The following TLN2 variants were observed in gnomAD, a reference collection of about 807,000 sequenced individuals.
TLN2 encodes the protein talin 2, also known as talin-2.
Under a neutral mutation model 294.7 loss-of-function variants are expected in TLN2, and 118 were observed. That is an observed-to-expected ratio of 0.40 (90% CI 0.34 to 0.47). The LOEUF (loss-of-function observed/expected upper bound fraction) is 0.47. Ranked by LOEUF, TLN2 falls within the 20% of genes least tolerant of loss-of-function variation. TLN2 has a pLI of 0.84. For missense variants in TLN2, 3,083 were observed against 3,282.2 expected (o/e 0.94, Z 1.48); for synonymous variants, 1,431 against 1,304.5 (o/e 1.10, Z -2.09).
At chr15:62,649,859 T>C in intron 4 of TLN2, 1 of 489,262 alleles carries the variant, frequency 2.0e-6, no homozygotes, top group Non-Finnish European at 3.7e-6. Context: ...CCACTGGTTT[T>C]AGGAAACACG....
In TLN2 at chr15:62,819,539, A is replaced by T. The variant is rs1192175386; in HGVS notation, c.6795A>T (p.Glu2265Asp). Residue 2265 changes from glutamate to aspartate, a missense_variant, in exon 53 of 59, where the codon GAA becomes GAT. Glu to Asp is a conservative substitution (Grantham distance 45, BLOSUM62 2). Transcript: ENST00000636159. Reference sequence around the variant, plus strand: ...AGATTCTTCAGAAACCAACCCCAGAATTCAAGCAGCAGCTGGCCGCTTTCT... The same window carrying T: ...AGATTCTTCAGAAACCAACCCCAGATTTCAAGCAGCAGCTGGCCGCTTTCT... ...VLVILQKPTP[E>D]FKQQLAAFSK... 1.2e-6 allele frequency: 2 copies of T among 1,613,992 alleles called. No homozygotes were observed. Among genetic ancestry groups the T allele is most frequent in the Non-Finnish European group, 1.7e-6 (2 of 1,180,008 alleles).
At position 62,761,712 on chromosome 15, in the gene TLN2, G is replaced by T; in HGVS notation, c.4670G>T (p.Arg1557Leu). 1.9e-6 allele frequency: 3 copies of T among 1,614,060 alleles called. No individual in the cohort carries two copies. The highest frequency in any genetic ancestry group is 2.5e-6 in the Non-Finnish European group (3 of 1,180,016). ...GATGGGGATTTCTCTGAAGACAACC[G>T]CAATAAGTGTCGCATCGCCACCGCA... is the stretch of plus-strand genomic sequence containing the variant. The part of the protein sequence containing the change: ...ALDGDFSEDN[R>L]NKCRIATAPL... Residue 1557 changes from arginine (R) to leucine (L), a missense_variant, in exon 38 of 59, where the codon CGC (arginine) becomes CTC (leucine). Coordinates refer to ENST00000636159, the MANE Select transcript of TLN2 (RefSeq NM_015059.3).
chr15:62,742,374 C>G (rs2061389408), intron 32 of TLN2, among the ~76,000 whole-genome samples: 1 of 152,098 alleles, frequency 6.6e-6, no homozygotes, highest in African/African-American at 2.4e-5. Flanking sequence ...GATAAGGCAA[C>G]TGACATTTCC....
intron 52 of TLN2, among the ~76,000 whole-genome samples, chr15:62,813,150 C>A (rs1459172626): frequency 1.3e-5 from 2 of 152,202 alleles, no homozygotes; most frequent in African/African-American, 4.8e-5. Context: ...GCCAGACGTG[C>A]TTCTCTGGTG....
intron 55 of TLN2, chr15:62,835,390 A>G (rs1462200403): frequency 6.4e-6 from 2 of 310,768 alleles, no homozygotes; most frequent in African/African-American, 4.3e-5. Flanking sequence ...TGGCTCCCAC[A>G]TATGAAATGG....
chr15:62,767,880 C>G (rs1199689872), intron 41 of TLN2, among the ~76,000 whole-genome samples: 1 of 152,210 alleles, frequency 6.6e-6, no homozygotes, highest in East Asian at 1.9e-4. Flanking sequence ...ACCCATGTCT[C>G]TGCGGATACT....
At chr15:62,582,234 A>ACG (rs2045156880) in intron 1 of TLN2, among the ~76,000 whole-genome samples, 5 of 145,864 alleles carry the variant, frequency 3.4e-5, no homozygotes, top group African/African-American at 1.3e-4. Context: ...ACACACACAC[A>ACG]CACACACACA....
Position 62,822,479 on chromosome 15 carries a change from A to G in TLN2, c.7002+1869A>G, listed in dbSNP as rs148603330. The stretch of plus-strand genomic sequence containing the variant: ...TCTGGGTACTTTATGGGAGTCACTC[A>G]TCTGATCCTTGGAAAAAGTCCATTA... On this transcript the variant is annotated intron_variant, in intron 54 of 58. Coordinates refer to ENST00000636159, the MANE Select transcript of TLN2 (RefSeq NM_015059.3). Among the ~76,000 whole-genome samples the G allele has an allele frequency of 4.3e-4, 65 of 152,326 alleles. No homozygotes were observed. In the East Asian group the frequency reaches 0.012, roughly 29 times the overall value.
intron 35 of TLN2, 148 bp downstream of exon 35, chr15:62,752,575 A>G: frequency 8.0e-7 from 1 of 1,248,788 alleles, no homozygotes; most frequent in Non-Finnish European, 1.1e-6. Flanking sequence ...GGGCATTTAC[A>G]CAAAACATGA....
intron 55 of TLN2, 53 bp downstream of exon 55, chr15:62,833,682 G>T: frequency 6.3e-7 from 1 of 1,582,908 alleles, no homozygotes; most frequent in South Asian, 1.1e-5. Flanking sequence ...AGAGCCTCAG[G>T]GGGCCCAGGA....
At chr15:62,570,049 T>A (rs2140638394) in intron 1 of TLN2, among the ~76,000 whole-genome samples, 2 of 152,340 alleles carry the variant, frequency 1.3e-5, no homozygotes, top group Middle Eastern at 3.4e-3. Flanking sequence ...TTCCCTTTGC[T>A]TTCCCTTATG....
rs11071674 is a variant in TLN2 at position 62,540,356 on chromosome 15, C to CTTT, written c.-237-49315_-237-49313dup. On this transcript the variant is annotated intron_variant, in intron 1 of 58. Transcript: ENST00000636159. The stretch of plus-strand genomic sequence containing the variant: ...CGCCATCTTAAAATAAATAAATAAA[C>CTTT]TTTTTTTTTTTTTTTTTTACATGAG... Among the ~76,000 whole-genome samples the CTTT allele has an allele frequency of 5.5e-3, 756 of 138,246 alleles. 11 individuals carry two copies. The highest frequency in any genetic ancestry group is 0.018 in the African/African-American group (679 of 37,152). The allele number at this position is 138,246 out of a possible 152,430, so 90.7% of individuals were successfully genotyped here. A position where few individuals can be genotyped will look rare whatever the true frequency, so the allele number is the denominator to read the frequency against.
chr15:62,636,412 T>A (rs1377537555), intron 3 of TLN2, among the ~76,000 whole-genome samples: 1 of 152,210 alleles, frequency 6.6e-6, no homozygotes, highest in Non-Finnish European at 1.5e-5. Context: ...TGTGATGATA[T>A]GCAGATGGAC....
In TLN2 at chr15:62,750,422, C is replaced by T. The variant is rs1314989544; in HGVS notation, c.4140C>T (p.Asp1380=). 1 of 1,614,094 alleles carries T rather than the reference C, an allele frequency of 6.2e-7. No homozygotes were observed. Among genetic ancestry groups the T allele is most frequent in the East Asian group, 2.2e-5 (1 of 44,880 alleles). Reference sequence around the variant, plus strand: ...TGTAGACTGTGAAGGGGATGTTGGACAATCCTAATGAACCTGTTAGTGACC... The same window carrying T: ...TGTAGACTGTGAAGGGGATGTTGGATAATCCTAATGAACCTGTTAGTGACC... ...RELETVKGML[D]NPNEPVSDLS... is the part of the protein sequence containing the mutation. Residue 1380 remains aspartate, a synonymous_variant, in exon 34 of 59, where the codon GAC becomes GAT. Coordinates refer to ENST00000636159, the MANE Select transcript of TLN2 (RefSeq NM_015059.3).
chr15:62,697,563 T>C, intron 14 of TLN2, 125 bp from the exon 15 acceptor site: 1 of 1,007,746 alleles, frequency 9.9e-7, no homozygotes, highest in South Asian at 1.7e-5. Context: ...TCTCAGTCTG[T>C]ATGTGCCTCT....
rs184540394 is a variant in TLN2 at position 62,663,266 on chromosome 15, A to G, written c.788+5368A>G. Among the ~76,000 whole-genome samples, 3 of 152,340 alleles carry G rather than the reference A, an allele frequency of 2.0e-5. 1 individual carries two copies. The highest frequency in any genetic ancestry group is 7.2e-5 in the African/African-American group (3 of 41,588). ...GAGAGAAAGAATTTCATAAAATAAA[A>G]TAATCTTGATGACAAAAAGAAAAAC... On this transcript the variant is annotated intron_variant, in intron 9 of 58. Transcript: ENST00000636159.
chr15:62,499,942 A>C (rs2039219040), intron 1 of TLN2, among the ~76,000 whole-genome samples: 1 of 147,836 alleles, frequency 6.8e-6, no homozygotes, highest in African/African-American at 2.6e-5. Flanking sequence ...GCAAAGAAAC[A>C]AACAAACAAA....
intron 1 of TLN2, among the ~76,000 whole-genome samples, chr15:62,426,268 A>G (rs1483283606): frequency 6.6e-6 from 1 of 152,122 alleles, no homozygotes; most frequent in African/African-American, 2.4e-5. Flanking sequence ...ACAGCCTGTA[A>G]AGGTTTATCT....
chr15:62,689,843 CTTCTTTTTTT>C (rs2057626450), intron 12 of TLN2, among the ~76,000 whole-genome samples: 4 of 16,972 alleles, frequency 2.4e-4, no homozygotes, highest in Non-Finnish European at 6.4e-4. Flanking sequence ...TTGGTATGGG[CTTCTTTTTTT>C]TTTTTTTTTT....
Sources: gnomAD v4.1 joint callset for allele counts (sites outside exome capture counted in the v4.1 genomes callset) on GRCh38, gnomAD v4.1.1 for gene constraint, MANE v1.5 for transcripts, NCBI Gene and HGNC (gene_info 2026-07-23, HGNC 2026-07-21) for gene names.